SCAF4: variants seen among roughly 807,000 people sequenced by gnomAD.
SCAF4 encodes the protein SR-related CTD associated factor 4.
In SCAF4, 25 loss-of-function variants were observed where a neutral mutation model predicts 129.8. The ratio of observed to expected loss-of-function variants is 0.19; its 90% CI spans 0.14 to 0.27. The LOEUF (loss-of-function observed/expected upper bound fraction) is 0.27, where lower values mean the gene tolerates loss of function less well. Ranked by LOEUF, SCAF4 falls within the 10% of genes least tolerant of loss-of-function variation. SCAF4 has a pLI of 1.00. For missense variants in SCAF4, 1,246 were observed against 1,457.1 expected (o/e 0.86, Z 2.36); for synonymous variants, 551 against 497.7 (o/e 1.11, Z -1.43).
chr21:31,716,128 A>G (rs906932585), intron 1 of SCAF4, among the ~76,000 whole-genome samples: 4 of 152,280 alleles, frequency 2.6e-5, no homozygotes, highest in East Asian at 1.9e-4. Flanking sequence ...CATCTTTTTA[A>G]AACTTAAATC....
At chr21:31,692,263 G>C in intron 13 of SCAF4, 86 bp downstream of exon 13, 1 of 1,000,882 alleles carries the variant, frequency 1.0e-6, no homozygotes, top group Non-Finnish European at 1.6e-6. Flanking sequence ...TGGGCAAATT[G>C]TAACTTTGGT....
chr21:31,701,632 A>T, intron 6 of SCAF4, 144 bp downstream of exon 6: 1 of 803,994 alleles, frequency 1.2e-6, no homozygotes, highest in Non-Finnish European at 1.8e-6. Flanking sequence ...TTCCTCCTAC[A>T]TTACTTCTCT....
chr21:31,726,141 G>A (rs1017146964), intron 1 of SCAF4, among the ~76,000 whole-genome samples: 6 of 151,738 alleles, frequency 4.0e-5, no homozygotes, highest in Admixed American at 3.9e-4. Flanking sequence ...CGCCTCCCGG[G>A]TTCACACCAT....
intron 19 of SCAF4, among the ~76,000 whole-genome samples, chr21:31,681,612 C>G (rs1221729213): frequency 6.6e-6 from 1 of 152,146 alleles, no homozygotes; most frequent in Non-Finnish European, 1.5e-5. Context: ...TATGAAACTA[C>G]CACCACTGTA....
chr21:31,706,242 A>G, intron 2 of SCAF4, 32 bp downstream of exon 2: 1 of 1,394,840 alleles, frequency 7.2e-7, no homozygotes, highest in Non-Finnish European at 1.0e-6. Flanking sequence ...AATTTCAAAA[A>G]GATTTCTCAA....
intron 19 of SCAF4, among the ~76,000 whole-genome samples, chr21:31,677,803 T>C (rs112906052): frequency 1.0e-3 from 152 of 152,272 alleles, no homozygotes; most frequent in African/African-American, 3.5e-3. Flanking sequence ...TGGGGCTACC[T>C]TGAATTCTAA....
At position 31,732,099 on chromosome 21, in the gene SCAF4, C is replaced by G; in HGVS notation, c.-407G>C. 2.5e-6 allele frequency: 1 copy of G among 407,258 alleles called. No homozygotes were observed. Among genetic ancestry groups the G allele is most frequent in the Non-Finnish European group, 4.3e-6 (1 of 232,646 alleles). 25.2% of individuals were successfully genotyped at this position (407,258 alleles called of 1,614,324 possible). A position where few individuals can be genotyped will look rare whatever the true frequency, so the allele number is the denominator to read the frequency against. ...CGGGATGGCGGCAGCGGCCCGAGTC[C>G]ACGCCGCGCGGGGCACCCTGGGACG... On this transcript the variant is annotated 5_prime_UTR_variant, in exon 1 of 20. Coordinates refer to ENST00000286835, the MANE Select transcript of SCAF4 (RefSeq NM_020706.2).
In SCAF4 at chr21:31,732,052, G is replaced by A; in HGVS notation, c.-360C>T. On this transcript the variant is annotated 5_prime_UTR_variant, in exon 1 of 20. Transcript: ENST00000286835. ...ACTGGCCCGGCCGGCGAGCGGGCGG[G>A]CCTCTCTCTCCCTCTCTCCAGCGGG... 1 of 428,724 alleles carries A rather than the reference G, an allele frequency of 2.3e-6. No homozygotes were observed. Among genetic ancestry groups the A allele is most frequent in the African/African-American group, 2.1e-5 (1 of 48,592 alleles). 26.6% of individuals were successfully genotyped at this position (428,724 alleles called of 1,614,324 possible).
intron 7 of SCAF4, among the ~76,000 whole-genome samples, chr21:31,697,105 G>A (rs1290500339): frequency 6.6e-6 from 1 of 152,030 alleles, no homozygotes; most frequent in South Asian, 2.1e-4. Flanking sequence ...ATGAAAATGG[G>A]TATACATTTT....
At chr21:31,721,307 G>A (rs2051061262) in intron 1 of SCAF4, among the ~76,000 whole-genome samples, 1 of 152,180 alleles carries the variant, frequency 6.6e-6, no homozygotes, top group East Asian at 1.9e-4. Flanking sequence ...CCTATCTAAA[G>A]TGATTTAACA....
chr21:31,721,136 A>G (rs926684321), intron 1 of SCAF4, among the ~76,000 whole-genome samples: 1 of 151,658 alleles, frequency 6.6e-6, no homozygotes, highest in Admixed American at 6.6e-5. Context: ...ATTACCAGTC[A>G]CTCTCCATTC....
At chr21:31,685,311 A>G (rs2050092148) in intron 18 of SCAF4, 71 bp from the exon 19 acceptor site, 3 of 1,493,348 alleles carry the variant, frequency 2.0e-6, no homozygotes, top group Admixed American at 1.7e-5. Context: ...TTCTTATGCC[A>G]TACTATAGAT....
At chr21:31,685,339 C>A (rs1232365807) in intron 18 of SCAF4, 59 bp downstream of exon 18, 1 of 1,523,224 alleles carries the variant, frequency 6.6e-7, no homozygotes, top group Non-Finnish European at 9.0e-7. Context: ...CCGCTTCACT[C>A]TCCCTCCTAC....
chr21:31,712,812 G>T, intron 1 of SCAF4: 1 of 799,728 alleles, frequency 1.3e-6, no homozygotes, highest in South Asian at 5.7e-5. Flanking sequence ...TTACAGGCGT[G>T]AGCCACTGTG....
In SCAF4 at chr21:31,699,483, A is replaced by G. The variant is rs1307235751; in HGVS notation, c.777+1512T>C. ...CAGTGTGGAATTCTTTCCTTATTTT[A>G]TAACTTTCTGTATTATTTGTTTTTT... On this transcript the variant is annotated intron_variant, in intron 7 of 19. Coordinates refer to ENST00000286835, the MANE Select transcript of SCAF4 (RefSeq NM_020706.2). 2.0e-5 allele frequency among the ~76,000 whole-genome samples: 3 copies of G among 151,114 alleles called. No individual in the cohort carries two copies. In the East Asian group the frequency reaches 5.8e-4, roughly 29 times the overall value.
intron 1 of SCAF4, among the ~76,000 whole-genome samples, chr21:31,725,914 A>ATATTGTAATAAGTT (rs1601284167): frequency 2.0e-5 from 3 of 152,170 alleles, no homozygotes; most frequent in Admixed American, 2.0e-4. Flanking sequence ...TTATATTAAC[A>ATATTGTAATAAGTT]TATTGTAATA....
At position 31,671,628 on chromosome 21, in the gene SCAF4, T is replaced by C; in HGVS notation, c.3215A>G (p.Lys1072Arg). ...DSRDRESRREKEEARGKEKPE... is the reference protein window; with the variant it reads ...DSRDRESRREREEARGKEKPE... ...CTTTTCCTTTCCTCGGGCTTCTTCC[T>C]TCTCTCTACGAGACTCTCTATCTCT... is the stretch of plus-strand genomic sequence containing the variant. Residue 1072 changes from lysine (K) to arginine (R), a missense_variant, in exon 20 of 20, where the codon AAG (lysine) becomes AGG (arginine). Around this residue, in one of 6 missense-constraint regions of SCAF4, gnomAD observed 339 missense variants for 325.0 expected, o/e 1.04. Coordinates refer to ENST00000286835, the MANE Select transcript of SCAF4 (RefSeq NM_020706.2). The C allele has an allele frequency of 6.2e-7, 1 of 1,614,156 alleles. No individual in the cohort carries two copies. Among genetic ancestry groups the C allele is most frequent in the Non-Finnish European group, 8.5e-7 (1 of 1,180,018 alleles).
intron 1 of SCAF4, among the ~76,000 whole-genome samples, chr21:31,728,566 T>C (rs2051266413): frequency 6.6e-6 from 1 of 152,216 alleles, no homozygotes; most frequent in African/African-American, 2.4e-5. Flanking sequence ...AGTTACTATT[T>C]ATTATAATTT....
rs545000525 is a variant in SCAF4, at chr21:31,685,687, G to A, written c.2090C>T (p.Pro697Leu). The A allele has an allele frequency of 8.1e-6, 13 of 1,611,994 alleles. No individual in the cohort carries two copies. The highest frequency in any genetic ancestry group is 2.2e-5 in the South Asian group (2 of 90,726). The change falls in exon 17 of 20, where the codon CCG (proline) becomes CTG (leucine). Residue 697 changes from proline (P) to leucine (L), a missense_variant. Coordinates refer to ENST00000286835, the MANE Select transcript of SCAF4 (RefSeq NM_020706.2). ...PGPPVVGALQ[P>L]PAFTPPLGIP... is the part of the protein sequence containing the mutation. ...TCCCAGAGGAGGCGTGAAAGCAGGC[G>A]GCTGGAGAGCACCAACTACAGGTGG... is the stretch of plus-strand genomic sequence containing the variant.
Sources: allele counts gnomAD v4.1 joint callset (sites outside exome capture counted in the v4.1 genomes callset), GRCh38; gene constraint gnomAD v4.1.1; regional missense constraint gnomAD v4.1.1; transcripts MANE v1.5; gene names NCBI Gene and HGNC (gene_info 2026-07-23, HGNC 2026-07-21).